Variants in MYO3B observed in about 807,000 individuals in gnomAD.
MYO3B encodes myosin IIIB.
Under a neutral mutation model 174.6 loss-of-function variants are expected in MYO3B, and 156 were observed. The observed-to-expected ratio is 0.89, with a 90% confidence interval of 0.78 to 1.02. The LOEUF (loss-of-function observed/expected upper bound fraction) is 1.02, where lower values mean the gene tolerates loss of function less well. Ranked by LOEUF, MYO3B falls within the 50% of genes least tolerant of loss-of-function variation. MYO3B has a pLI of 0.00. For missense variants in MYO3B, 1,632 were observed against 1,639.4 expected, an observed-to-expected ratio of 1.00 and a Z score of 0.08; for synonymous variants, 563 against 569.1, an observed-to-expected ratio of 0.99 and a Z score of 0.15.
intron 7 of MYO3B, among the ~76,000 whole-genome samples, chr2:170,246,361 G>A (rs2093189414): frequency 6.6e-6 from 1 of 152,218 alleles, no homozygotes; most frequent in South Asian, 2.1e-4. Flanking sequence ...GAACTGTGGT[G>A]TGCCCCCTAC....
At chr2:170,591,282 A>T (rs1693805201) in intron 32 of MYO3B, among the ~76,000 whole-genome samples, 1 of 152,222 alleles carries the variant, frequency 6.6e-6, no homozygotes, top group African/African-American at 2.4e-5. Flanking sequence ...ACAAAGGCTC[A>T]TCTCATTTCC....
intron 7 of MYO3B, among the ~76,000 whole-genome samples, chr2:170,296,929 A>G (rs928181358): frequency 6.6e-6 from 1 of 152,196 alleles, no homozygotes; most frequent in African/African-American, 2.4e-5. Context: ...TCTTGCGATG[A>G]CAGCATCAAA....
At chr2:170,365,956 A>G (rs1212227163) in intron 8 of MYO3B, among the ~76,000 whole-genome samples, 2 of 152,164 alleles carry the variant, frequency 1.3e-5, no homozygotes, top group African/African-American at 4.8e-5. Flanking sequence ...CCTGTGGAAC[A>G]TCAGCATACA....
At chr2:170,601,687 CT>C in intron 32 of MYO3B, 5 of 1,522,560 alleles carry the variant, frequency 3.3e-6, no homozygotes, top group Non-Finnish European at 4.5e-6. Context: ...CTTTTTCTTG[CT>C]TTTTTCAGCC....
intron 7 of MYO3B, among the ~76,000 whole-genome samples, chr2:170,266,258 T>G (rs939619733): frequency 6.6e-6 from 1 of 152,196 alleles, no homozygotes; most frequent in African/African-American, 2.4e-5. Flanking sequence ...TTTTGGATTT[T>G]TTAGAGTAAT....
intron 28 of MYO3B, among the ~76,000 whole-genome samples, chr2:170,503,017 GCAATTCTTGTTAC>G (rs1687378960): frequency 6.6e-6 from 1 of 152,198 alleles, no homozygotes; most frequent in Non-Finnish European, 1.5e-5. Flanking sequence ...GAAGAGGGAT[GCAATTCTTGTTAC>G]AGCTTAAGAG....
At chr2:170,541,590 G>C (rs912224615) in intron 30 of MYO3B, among the ~76,000 whole-genome samples, 4 of 152,128 alleles carry the variant, frequency 2.6e-5, no homozygotes, top group African/African-American at 9.7e-5. Flanking sequence ...AAATGAAGTA[G>C]TATATAAATG....
rs534756999 is a variant in MYO3B at position 170,565,968 on chromosome 2, C to G, written c.3733+21980C>G. Among the ~76,000 whole-genome samples, 7 of 152,270 alleles carry G rather than the reference C, an allele frequency of 4.6e-5. No individual in the cohort carries two copies. In the South Asian group the frequency reaches 1.5e-3, roughly 32 times the overall value. ...GCTTGCTTTAAAGTCTTTTCTCCTCCTATGCTCAAATGCTTTTCCCATAAC... is the reference window on the plus strand; with the variant it reads ...GCTTGCTTTAAAGTCTTTTCTCCTCGTATGCTCAAATGCTTTTCCCATAAC... On this transcript the variant is annotated intron_variant, in intron 32 of 34. Transcript: ENST00000408978.
intron 1 of MYO3B, among the ~76,000 whole-genome samples, chr2:170,182,095 G>A (rs1363109615): frequency 6.6e-6 from 1 of 151,692 alleles, no homozygotes; most frequent in African/African-American, 2.4e-5. Context: ...TTATTTTTTG[G>A]AAAAATGTTA....
chr2:170,443,603 T>C (rs2094818552), intron 22 of MYO3B, among the ~76,000 whole-genome samples: 1 of 152,158 alleles, frequency 6.6e-6, no homozygotes. Context: ...TAGGTTTTCT[T>C]CTAGGGTTTT....
chr2:170,407,635 A>G (rs2094518787), intron 21 of MYO3B, 80 bp from the exon 22 acceptor site: 1 of 1,547,564 alleles, frequency 6.5e-7, no homozygotes, highest in Non-Finnish European at 8.9e-7. Flanking sequence ...GTTGATTAAC[A>G]ACTGGTTAGG....
intron 3 of MYO3B, among the ~76,000 whole-genome samples, chr2:170,201,416 A>G (rs12999817): frequency 0.44 from 66,533 of 151,892 alleles, 14,887 homozygotes; most frequent in African/African-American, 0.55. Flanking sequence ...CAGGGGAGAA[A>G]CCAGCCCTCA....
chr2:170,311,158 C>A (rs961926727), intron 7 of MYO3B, among the ~76,000 whole-genome samples: 1 of 151,992 alleles, frequency 6.6e-6, no homozygotes, highest in Non-Finnish European at 1.5e-5. Flanking sequence ...AAATGCTGGG[C>A]GATTCTGTGT....
At chr2:170,605,079 A>G (rs1694733322) in intron 32 of MYO3B, among the ~76,000 whole-genome samples, 1 of 152,138 alleles carries the variant, frequency 6.6e-6, no homozygotes, top group African/African-American at 2.4e-5. Flanking sequence ...CTCTCCTGAA[A>G]CACATTATCA....
Position 170,653,151 on chromosome 2 carries a change from G to C in MYO3B, c.*30G>C, listed in dbSNP as rs1225089679. 3 of 1,613,252 alleles carry C rather than the reference G, an allele frequency of 1.9e-6. No individual in the cohort carries two copies. The highest frequency in any genetic ancestry group is 2.5e-6 in the Non-Finnish European group (3 of 1,179,406). ...TGCTTCCTAACCCTAAATCTGTCCAGAGTAGGAACATTCATGGTAATCGAC... is the reference window on the plus strand; with the variant it reads ...TGCTTCCTAACCCTAAATCTGTCCACAGTAGGAACATTCATGGTAATCGAC... On this transcript the variant is annotated 3_prime_UTR_variant, in exon 35 of 35. Coordinates refer to ENST00000408978, the MANE Select transcript of MYO3B (RefSeq NM_138995.5).
intron 32 of MYO3B, among the ~76,000 whole-genome samples, chr2:170,646,151 A>G (rs1220540791): frequency 6.6e-6 from 1 of 151,868 alleles, no homozygotes; most frequent in African/African-American, 2.4e-5. Flanking sequence ...CATGCCTGTA[A>G]TCCCAGCTAC....
At chr2:170,495,982 A>G (rs1686835428) in intron 25 of MYO3B, among the ~76,000 whole-genome samples, 1 of 152,318 alleles carries the variant, frequency 6.6e-6, no homozygotes, top group East Asian at 1.9e-4. Context: ...GATGCCATGA[A>G]CTGTCCAGAG....
intron 7 of MYO3B, among the ~76,000 whole-genome samples, chr2:170,280,584 G>T (rs917103443): frequency 6.9e-6 from 1 of 145,614 alleles, no homozygotes; most frequent in African/African-American, 2.6e-5. Context: ...TGCCTAGGTT[G>T]TCTTCTGGGG....
At chr2:170,432,365 T>G (rs2094716240) in intron 22 of MYO3B, among the ~76,000 whole-genome samples, 1 of 152,052 alleles carries the variant, frequency 6.6e-6, no homozygotes, top group South Asian at 2.1e-4. Context: ...TGTCTTTGTT[T>G]TTAATTAAAA....
Sources: gnomAD v4.1 joint callset for allele counts (sites outside exome capture counted in the v4.1 genomes callset) on GRCh38, gnomAD v4.1.1 for gene constraint, MANE v1.5 for transcripts, NCBI Gene and HGNC (gene_info 2026-07-23, HGNC 2026-07-21) for gene names.